MAP7: variants seen among roughly 807,000 people sequenced by gnomAD.
The protein encoded by MAP7 is microtubule associated protein 7.
A neutral mutation model predicts 94.8 loss-of-function variants in MAP7; 52 were observed. The observed-to-expected ratio is 0.55, with a 90% CI of 0.44 to 0.69. The LOEUF is 0.69. Among genes scored for constraint, MAP7 ranks in the 30% least tolerant of loss-of-function variants. The probability of loss-of-function intolerance (pLI) is 0.00; values close to 1 mark genes in which losing one functional copy is unlikely to be tolerated. For synonymous variants in MAP7, 350 were observed against 357.0 expected, an observed-to-expected ratio of 0.98 and a Z score of 0.22; for missense variants, 940 against 964.6, an observed-to-expected ratio of 0.97 and a Z score of 0.34.
At chr6:136,537,219 A>G (rs985223843) in intron 1 of MAP7, among the ~76,000 whole-genome samples, 4 of 152,014 alleles carry the variant, frequency 2.6e-5, no homozygotes, top group African/African-American at 9.7e-5. Flanking sequence ...CAGTTTGTAA[A>G]TAAGTTGAAG....
At chr6:136,377,694 C>T (rs970914148) in intron 7 of MAP7, 61 bp downstream of exon 7, 27 of 1,255,150 alleles carry the variant, frequency 2.2e-5, no homozygotes, top group Non-Finnish European at 3.2e-5. Context: ...TGTGATTAGA[C>T]GAATATGCTT....
chr6:136,462,437 T>C (rs549113145), intron 1 of MAP7, among the ~76,000 whole-genome samples: 2 of 152,192 alleles, frequency 1.3e-5, no homozygotes, highest in Non-Finnish European at 2.9e-5. Context: ...TTCTAGAACA[T>C]ACACAGCAGA....
intron 7 of MAP7, among the ~76,000 whole-genome samples, chr6:136,373,077 G>A (rs964827001): frequency 1.3e-5 from 2 of 152,166 alleles, no homozygotes; most frequent in African/African-American, 4.8e-5. Flanking sequence ...ACAAAAGGTG[G>A]AAAGAGAGGA....
intron 1 of MAP7, among the ~76,000 whole-genome samples, chr6:136,478,896 AT>A (rs145598458): frequency 0.019 from 2,883 of 150,772 alleles, 98 homozygotes; most frequent in East Asian, 0.13. Flanking sequence ...TCCTACTCAA[AT>A]TTTTTCCAGA....
At chr6:136,469,111 C>T (rs1808107972) in intron 1 of MAP7, among the ~76,000 whole-genome samples, 2 of 152,138 alleles carry the variant, frequency 1.3e-5, no homozygotes, top group Non-Finnish European at 2.9e-5. Context: ...ATTTCTCTGT[C>T]CCAGTGCATG....
intron 1 of MAP7, among the ~76,000 whole-genome samples, chr6:136,495,062 C>G (rs1235344298): frequency 1.3e-5 from 2 of 152,164 alleles, no homozygotes; most frequent in East Asian, 1.9e-4. Context: ...AGCAGAAGCT[C>G]TACTTGGCCT....
At position 136,540,543 on chromosome 6, in the gene MAP7, T is replaced by C. The variant is rs544209787; in HGVS notation, c.67+9799A>G. 5.3e-5 allele frequency among the ~76,000 whole-genome samples: 8 copies of C among 152,360 alleles called. No homozygotes were observed. The South Asian group carries it at 1.2e-3, about 24-fold the overall frequency. ...ATACTTAGCTATTCAATTGTACTCA[T>C]AACTGTATTCACATCTATATTTCCT... On this transcript the variant is annotated intron_variant, in intron 1 of 17. Coordinates refer to ENST00000354570, the MANE Select transcript of MAP7 (RefSeq NM_003980.6).
At chr6:136,379,701 T>C (rs185816220) in intron 6 of MAP7, among the ~76,000 whole-genome samples, 1 of 152,258 alleles carries the variant, frequency 6.6e-6, no homozygotes, top group Admixed American at 6.5e-5. Context: ...TGGGTTGTCA[T>C]GGAAAAGATA....
intron 1 of MAP7, among the ~76,000 whole-genome samples, chr6:136,430,950 C>A (rs1371862051): frequency 1.3e-5 from 2 of 152,204 alleles, no homozygotes; most frequent in Non-Finnish European, 2.9e-5. Context: ...CAGAGTGGTC[C>A]ACCGGTTACC....
intron 3 of MAP7, among the ~76,000 whole-genome samples, chr6:136,406,830 AAAAC>A (rs1386771619): frequency 6.6e-6 from 1 of 152,214 alleles, no homozygotes; most frequent in Non-Finnish European, 1.5e-5. Context: ...AACAAAAACA[AAAAC>A]AAACAAAACA....
At chr6:136,535,990 T>C (rs1209653138) in intron 1 of MAP7, among the ~76,000 whole-genome samples, 2 of 151,236 alleles carry the variant, frequency 1.3e-5, no homozygotes, top group Admixed American at 1.3e-4. Flanking sequence ...AGTGAGAACA[T>C]GCGGTGTTTG....
At chr6:136,350,647 G>GT (rs1788908744) in intron 16 of MAP7, among the ~76,000 whole-genome samples, 1 of 152,202 alleles carries the variant, frequency 6.6e-6, no homozygotes, top group African/African-American at 2.4e-5. Flanking sequence ...GAGGCCAAGA[G>GT]TTTGAGACTA....
chr6:136,504,368 G>C (rs556330400), intron 1 of MAP7, among the ~76,000 whole-genome samples: 152 of 151,758 alleles, frequency 1.0e-3, no homozygotes, highest in Non-Finnish European at 1.7e-3. Context: ...TTTTGGGGGG[G>C]AACAGAGCCT....
chr6:136,462,618 T>C (rs1805606928), intron 1 of MAP7, among the ~76,000 whole-genome samples: 1 of 152,148 alleles, frequency 6.6e-6, no homozygotes, highest in Admixed American at 6.5e-5. Context: ...TAACCGAATA[T>C]ACTTTGAGGT....
At chr6:136,368,244 C>T (rs564010017) in intron 8 of MAP7, among the ~76,000 whole-genome samples, 1 of 151,200 alleles carries the variant, frequency 6.6e-6, no homozygotes, top group South Asian at 2.1e-4. Context: ...TTTTGTTACT[C>T]TTATATCCAA....
At position 136,489,759 on chromosome 6, in the gene MAP7, C is replaced by T. The variant is rs373281400; in HGVS notation, c.67+60583G>A. Among the ~76,000 whole-genome samples the T allele has an allele frequency of 3.9e-5, 6 of 152,114 alleles. No homozygotes were observed. In the East Asian group the frequency reaches 1.2e-3, roughly 29 times the overall value. ...GGCCGGGCTGGTCTTGAACTCCTGA[C>T]CCCAGGTGATCCACCCACCTTGGCC... On this transcript the variant is annotated intron_variant, in intron 1 of 17. Coordinates refer to ENST00000354570, the MANE Select transcript of MAP7 (RefSeq NM_003980.6).
intron 1 of MAP7, among the ~76,000 whole-genome samples, chr6:136,472,228 T>C (rs1809268892): frequency 6.6e-6 from 1 of 152,222 alleles, no homozygotes; most frequent in Non-Finnish European, 1.5e-5. Context: ...TCCTGTCAAT[T>C]CCTACAAATT....
Position 136,427,727 on chromosome 6 carries a change from ATCT to A in MAP7, c.68-5931_68-5929del, listed in dbSNP as rs1414582825. Among the ~76,000 whole-genome samples, 39 of 152,356 alleles carry A rather than the reference ATCT, an allele frequency of 2.6e-4. 1 individual carries two copies. The East Asian group carries it at 7.1e-3, about 28-fold the overall frequency. On this transcript the variant is annotated intron_variant, in intron 1 of 17. Transcript: ENST00000354570. ...TGCTGACAGAAATAATTCAATTAAA[ATCT>A]TCTTTTTCTTGCATTTCACACATCT...
chr6:136,436,660 G>T (rs1488756992), intron 1 of MAP7, among the ~76,000 whole-genome samples: 1 of 152,198 alleles, frequency 6.6e-6, no homozygotes, highest in Admixed American at 6.5e-5. Context: ...GATTACAGGT[G>T]TGAGCTACCA....
Sources: gnomAD v4.1 joint callset for allele counts (sites outside exome capture counted in the v4.1 genomes callset) on GRCh38, gnomAD v4.1.1 for gene constraint, MANE v1.5 for transcripts, NCBI Gene and HGNC (gene_info 2026-07-23, HGNC 2026-07-21) for gene names.